The following RBFOX1 variants were observed in gnomAD, a reference collection of about 807,000 sequenced individuals.
RBFOX1 encodes RNA binding fox-1 homolog 1.
A neutral mutation model predicts 57.7 loss-of-function variants in RBFOX1; 8 were observed. The ratio of observed to expected loss-of-function variants is 0.14; its 90% CI spans 0.08 to 0.25. RBFOX1 has a LOEUF of 0.25. RBFOX1 is among the 10% of genes least tolerant of loss of function. RBFOX1 has a pLI of 1.00. For synonymous variants in RBFOX1, 326 were observed against 222.4 expected, an observed-to-expected ratio of 1.47 and a Z score of -4.15; for missense variants, 611 against 548.5, an observed-to-expected ratio of 1.11 and a Z score of -1.14.
chr16:7,297,833 C>T (rs1330276385), intron 4 of RBFOX1, among the ~76,000 whole-genome samples: 1 of 151,598 alleles, frequency 6.6e-6, no homozygotes, highest in Non-Finnish European at 1.5e-5. Context: ...CCCCAATAGC[C>T]CCTCCTCTAT....
intron 4 of RBFOX1, among the ~76,000 whole-genome samples, chr16:7,265,517 C>T (rs1275561262): frequency 1.3e-5 from 2 of 151,598 alleles, no homozygotes; most frequent in Admixed American, 6.6e-5. Flanking sequence ...GGCACGATCT[C>T]AGCTCACTGT....
At chr16:5,519,673 G>A (rs1167401243) in intron 2 of RBFOX1, among the ~76,000 whole-genome samples, 6 of 152,172 alleles carry the variant, frequency 3.9e-5, no homozygotes, top group Non-Finnish European at 8.8e-5. Flanking sequence ...TGCAGTGAAC[G>A]AAGATTATCT....
chr16:7,252,049 A>G (rs1419563976), intron 4 of RBFOX1, among the ~76,000 whole-genome samples: 1 of 152,168 alleles, frequency 6.6e-6, no homozygotes, highest in African/African-American at 2.4e-5. Context: ...GGAGAAGGAT[A>G]TTGTGTTCTA....
At chr16:6,166,056 C>T (rs1366505962) in intron 1 of RBFOX1, among the ~76,000 whole-genome samples, 4 of 152,148 alleles carry the variant, frequency 2.6e-5, no homozygotes, top group African/African-American at 9.7e-5. Context: ...CTGCAAAGGG[C>T]CGCAATTCTC....
intron 1 of RBFOX1, among the ~76,000 whole-genome samples, chr16:6,077,135 A>G (rs2095914919): frequency 6.6e-6 from 1 of 152,186 alleles, no homozygotes; most frequent in South Asian, 2.1e-4. Flanking sequence ...ACGACTTTAA[A>G]TACCTTCCAG....
chr16:5,372,213 G>A (rs955426503), intron 1 of RBFOX1, among the ~76,000 whole-genome samples: 1 of 152,188 alleles, frequency 6.6e-6, no homozygotes, highest in Non-Finnish European at 1.5e-5. Flanking sequence ...CAGCTGGGAT[G>A]TTGTTCTGTC....
chr16:6,372,555 G>C (rs2090592923), intron 2 of RBFOX1, among the ~76,000 whole-genome samples: 1 of 151,958 alleles, frequency 6.6e-6, no homozygotes, highest in Non-Finnish European at 1.5e-5. Context: ...AGGATGGTTG[G>C]GTGGAATGGA....
chr16:5,242,604 T>C lies in RBFOX1; in HGVS notation c.219+2499T>C, dbSNP rs2062195371. 2.0e-5 allele frequency among the ~76,000 whole-genome samples: 3 copies of C among 152,114 alleles called. No individual in the cohort carries two copies. In the South Asian group the frequency reaches 6.2e-4, roughly 32 times the overall value. On this transcript the variant is annotated intron_variant, in intron 1 of 2. Coordinates refer to the RBFOX1 transcript ENST00000585867. ...TCTTCACTCACAGGCCATGTCTGAG[T>C]GGATCAAGAAGAACAGAGTGCCCTT...
chr16:5,659,718 C>T (rs1398207523), intron 3 of RBFOX1, among the ~76,000 whole-genome samples: 1 of 152,130 alleles, frequency 6.6e-6, no homozygotes, highest in South Asian at 2.1e-4. Flanking sequence ...TTTACATGAA[C>T]TCTAACTGAT....
intron 3 of RBFOX1, among the ~76,000 whole-genome samples, chr16:6,994,994 T>C (rs373299991): frequency 6.7e-6 from 1 of 149,442 alleles, no homozygotes; most frequent in African/African-American, 2.5e-5. Context: ...TATTTAAAAA[T>C]GTGTTTGCAT....
At chr16:5,831,168 C>G (rs1260340777) in intron 3 of RBFOX1, among the ~76,000 whole-genome samples, 1 of 152,118 alleles carries the variant, frequency 6.6e-6, no homozygotes, top group Non-Finnish European at 1.5e-5. Context: ...TAATTCCCAC[C>G]AATTCCAGTG....
intron 3 of RBFOX1, among the ~76,000 whole-genome samples, chr16:5,839,964 C>G (rs995292197): frequency 1.3e-5 from 2 of 152,156 alleles, no homozygotes; most frequent in South Asian, 2.1e-4. Flanking sequence ...GGAATGATTA[C>G]TGGACAAACA....
intron 1 of RBFOX1, among the ~76,000 whole-genome samples, chr16:6,111,615 G>C (rs2096447619): frequency 6.6e-6 from 1 of 152,136 alleles, no homozygotes; most frequent in Admixed American, 6.5e-5. Context: ...AAATAAACTG[G>C]GTATTTCTAA....
intron 1 of RBFOX1, among the ~76,000 whole-genome samples, chr16:6,137,074 A>G (rs1382036737): frequency 6.6e-6 from 1 of 152,164 alleles, no homozygotes; most frequent in Non-Finnish European, 1.5e-5. Flanking sequence ...AATCTAATCT[A>G]TCATATTTCC....
intron 2 of RBFOX1, among the ~76,000 whole-genome samples, chr16:6,520,719 C>G (rs2096482523): frequency 6.6e-6 from 1 of 152,142 alleles, no homozygotes; most frequent in African/African-American, 2.4e-5. Context: ...TCCAGACACC[C>G]TTAGAACCTC....
chr16:7,579,681 C>T (rs561412736), intron 5 of RBFOX1, 96 bp from the exon 6 acceptor site: 61 of 1,480,362 alleles, frequency 4.1e-5, no homozygotes, highest in Non-Finnish European at 5.3e-5. Flanking sequence ...TTGCTTAGTT[C>T]TGATCTTTTC....
chr16:7,053,070 A>G (rs1191509753), intron 4 of RBFOX1, among the ~76,000 whole-genome samples: 1 of 152,214 alleles, frequency 6.6e-6, no homozygotes, highest in South Asian at 2.1e-4. Flanking sequence ...GCCTTCATAC[A>G]CTGCCCTGTA....
chr16:6,833,240 A>G (rs2092838644), intron 3 of RBFOX1, among the ~76,000 whole-genome samples: 2 of 151,724 alleles, frequency 1.3e-5, no homozygotes, highest in East Asian at 1.9e-4. Context: ...ATCTCGGCTC[A>G]TTACAACCTC....
At chr16:7,662,494 A>G (rs1404132463) in intron 12 of RBFOX1, among the ~76,000 whole-genome samples, 1 of 152,172 alleles carries the variant, frequency 6.6e-6, no homozygotes, top group Non-Finnish European at 1.5e-5. Flanking sequence ...CCTCTAAAAT[A>G]TGAACCCTAT....
Sources: gnomAD v4.1 joint callset for allele counts (sites outside exome capture counted in the v4.1 genomes callset) on GRCh38, gnomAD v4.1.1 for gene constraint, MANE v1.5 for transcripts, NCBI Gene and HGNC (gene_info 2026-07-23, HGNC 2026-07-21) for gene names.